Variants in CNTN5 observed in about 807,000 individuals in gnomAD.
The protein encoded by CNTN5 is contactin-5.
CNTN5 carries 77 observed loss-of-function variants against 129.1 expected under a neutral mutation model. The ratio of observed to expected loss-of-function variants is 0.60; its 90% CI spans 0.50 to 0.72. CNTN5 has a LOEUF of 0.72. Ranked by LOEUF, CNTN5 falls within the 30% of genes least tolerant of loss-of-function variation. The pLI is 0.00. For synonymous variants in CNTN5, 509 were observed against 465.6 expected (o/e 1.09, Z -1.20); for missense variants, 1,478 against 1,328.8 (o/e 1.11, Z -1.75).
At chr11:99,363,126 A>G (rs1939226039) in intron 2 of CNTN5, among the ~76,000 whole-genome samples, 1 of 152,084 alleles carries the variant, frequency 6.6e-6, no homozygotes, top group African/African-American at 2.4e-5. Flanking sequence ...TCTTCTTAAC[A>G]ATATTTTCTT....
chr11:99,441,114 C>T (rs1379337431), intron 2 of CNTN5, among the ~76,000 whole-genome samples: 6 of 152,152 alleles, frequency 3.9e-5, no homozygotes, highest in Non-Finnish European at 8.8e-5. Flanking sequence ...GCCACCCCAC[C>T]TGGAAATACT....
intron 6 of CNTN5, among the ~76,000 whole-genome samples, chr11:99,857,594 A>G (rs1473137032): frequency 6.6e-6 from 1 of 152,206 alleles, no homozygotes; most frequent in Non-Finnish European, 1.5e-5. Flanking sequence ...GTTAATATCA[A>G]TACAAATGTT....
chr11:100,310,102 A>G (rs1483410065), intron 21 of CNTN5, among the ~76,000 whole-genome samples: 1 of 151,884 alleles, frequency 6.6e-6, no homozygotes, highest in Non-Finnish European at 1.5e-5. Flanking sequence ...CCTCACAGTA[A>G]ATAATATGCA....
At chr11:99,346,171 A>C (rs1937849856) in intron 2 of CNTN5, among the ~76,000 whole-genome samples, 1 of 152,198 alleles carries the variant, frequency 6.6e-6, no homozygotes, top group African/African-American at 2.4e-5. Flanking sequence ...TACTGCCTCT[A>C]AATATTGACT....
intron 1 of CNTN5, among the ~76,000 whole-genome samples, chr11:99,027,945 A>C (rs1017631933): frequency 6.6e-6 from 1 of 151,796 alleles, no homozygotes; most frequent in Non-Finnish European, 1.5e-5. Context: ...GAAGTCTTTT[A>C]TATCCTAAGT....
chr11:99,525,975 TA>T (rs1419849072), intron 2 of CNTN5, among the ~76,000 whole-genome samples: 1 of 149,814 alleles, frequency 6.7e-6, no homozygotes, highest in Non-Finnish European at 1.5e-5. Flanking sequence ...GTTCTACATT[TA>T]AAAGGCATTA....
intron 4 of CNTN5, among the ~76,000 whole-genome samples, chr11:99,820,649 A>G (rs1946773140): frequency 2.3e-5 from 2 of 85,178 alleles, no homozygotes; most frequent in Middle Eastern, 5.5e-3. Context: ...TATGCCATTC[A>G]GTTTTCTCAA....
At chr11:99,898,904 A>G (rs1949279068) in intron 6 of CNTN5, among the ~76,000 whole-genome samples, 1 of 152,082 alleles carries the variant, frequency 6.6e-6, no homozygotes, top group South Asian at 2.1e-4. Context: ...TTCAAGATCA[A>G]CGTAAAGTTG....
intron 13 of CNTN5, among the ~76,000 whole-genome samples, chr11:100,096,227 C>T (rs1014481696): frequency 6.6e-5 from 10 of 152,058 alleles, no homozygotes; most frequent in African/African-American, 2.2e-4. Flanking sequence ...ATTTGCTTGA[C>T]GTGTAGTCCC....
chr11:99,833,450 T>A (rs1256161300), intron 4 of CNTN5, among the ~76,000 whole-genome samples: 1 of 152,144 alleles, frequency 6.6e-6, no homozygotes. Context: ...AGTAGAGTGT[T>A]CAGTAAATTA....
At position 100,061,315 on chromosome 11, in the gene CNTN5, G is replaced by C; in HGVS notation, c.1084G>C (p.Asp362His). 6.2e-7 allele frequency: 1 copy of C among 1,613,578 alleles called. No homozygotes were observed. The highest frequency in any genetic ancestry group is 1.1e-5 in the South Asian group (1 of 91,066). Residue 362 changes from aspartate to histidine, a missense_variant, in exon 10 of 25, where the codon GAT (aspartate) becomes CAT (histidine). Coordinates refer to ENST00000524871, the MANE Select transcript of CNTN5 (RefSeq NM_014361.4). ...GCTGGAAATACCGAATGTACAGCTG[G>C]ATGATGCAGGCATTTATGAGTGCAG... ...AVLEIPNVQLDDAGIYECRAE... is the reference protein window; with the variant it reads ...AVLEIPNVQLHDAGIYECRAE...
intron 1 of CNTN5, among the ~76,000 whole-genome samples, chr11:99,132,822 A>G (rs890421300): frequency 6.6e-6 from 1 of 152,218 alleles, no homozygotes; most frequent in Non-Finnish European, 1.5e-5. Context: ...GAAAATTGTC[A>G]TATTGCCCAA....
At chr11:100,257,431 C>A (rs1041557922) in intron 17 of CNTN5, among the ~76,000 whole-genome samples, 4 of 152,172 alleles carry the variant, frequency 2.6e-5, no homozygotes, top group African/African-American at 9.6e-5. Flanking sequence ...AGCGCTCAAG[C>A]CCTGCTAAGG....
chr11:99,644,244 C>T (rs1351124693), intron 3 of CNTN5, among the ~76,000 whole-genome samples: 1 of 152,018 alleles, frequency 6.6e-6, no homozygotes, highest in Non-Finnish European at 1.5e-5. Context: ...CGTCTTTTTC[C>T]TTTGCTCGTT....
intron 2 of CNTN5, among the ~76,000 whole-genome samples, chr11:99,431,354 C>T (rs997953447): frequency 2.0e-5 from 3 of 152,072 alleles, no homozygotes; most frequent in Non-Finnish European, 4.4e-5. Flanking sequence ...TCATACTTAC[C>T]CTCCCTGTTG....
chr11:99,428,317 C>A (rs536736637), intron 2 of CNTN5, among the ~76,000 whole-genome samples: 1 of 151,834 alleles, frequency 6.6e-6, no homozygotes, highest in Non-Finnish European at 1.5e-5. Flanking sequence ...CCCAGCACTT[C>A]GGAGGGCCAA....
intron 3 of CNTN5, among the ~76,000 whole-genome samples, chr11:99,683,017 C>A (rs1348886303): frequency 6.6e-6 from 1 of 151,742 alleles, no homozygotes; most frequent in African/African-American, 2.4e-5. Context: ...GTTGAATTGT[C>A]TTATTGATCT....
chr11:99,211,138 C>T (rs1016596299), intron 1 of CNTN5, among the ~76,000 whole-genome samples: 1 of 152,034 alleles, frequency 6.6e-6, no homozygotes, highest in Non-Finnish European at 1.5e-5. Flanking sequence ...AAGATATGAT[C>T]GTAAAATGTC....
intron 14 of CNTN5, among the ~76,000 whole-genome samples, chr11:100,192,963 A>T (rs1948535233): frequency 6.6e-6 from 1 of 151,966 alleles, no homozygotes; most frequent in Admixed American, 6.6e-5. Flanking sequence ...GTCGAGTGTA[A>T]AGCAAATACA....
Sources: gnomAD v4.1 joint callset for allele counts (sites outside exome capture counted in the v4.1 genomes callset) on GRCh38, gnomAD v4.1.1 for gene constraint, MANE v1.5 for transcripts, NCBI Gene and HGNC (gene_info 2026-07-23, HGNC 2026-07-21) for gene names.